Variants in CRTC1 observed in about 807,000 individuals in gnomAD.
CRTC1 encodes the protein CREB-regulated transcription coactivator 1.
A neutral mutation model predicts 66.1 loss-of-function variants in CRTC1; 18 were observed. The ratio of observed to expected loss-of-function variants is 0.27; its 90% CI spans 0.19 to 0.40. The LOEUF is 0.40. Among genes scored for constraint, CRTC1 ranks in the 10% least tolerant of loss-of-function variants. The pLI, the probability that CRTC1 is intolerant of heterozygous loss-of-function variation, is 1.00. For synonymous variants in CRTC1, 416 were observed against 398.8 expected, an observed-to-expected ratio of 1.04 and a Z score of -0.51; for missense variants, 669 against 887.9, an observed-to-expected ratio of 0.75 and a Z score of 3.13.
At chr19:18,694,658 A>G (rs2052940806) in intron 1 of CRTC1, among the ~76,000 whole-genome samples, 4 of 151,628 alleles carry the variant, frequency 2.6e-5, no homozygotes, top group South Asian at 2.1e-4. Flanking sequence ...CTGGTCTCAA[A>G]CTCCTGTGCT....
chr19:18,776,733 G>A (rs754167446), intron 13 of CRTC1, among the ~76,000 whole-genome samples: 7 of 152,174 alleles, frequency 4.6e-5, no homozygotes, highest in Admixed American at 6.5e-5. Context: ...GTTTGAACCC[G>A]GGTCTTTGTG....
rs559282618 is a variant in CRTC1 at position 18,696,836 on chromosome 19, G to A, written c.126+13008G>A. 8.3e-5 allele frequency among the ~76,000 whole-genome samples: 12 copies of A among 144,536 alleles called. No individual in the cohort carries two copies. In the South Asian group the frequency reaches 2.9e-3, roughly 35 times the overall value. 94.8% of individuals were successfully genotyped at this position (144,536 alleles called of 152,430 possible). A position where few individuals can be genotyped will look rare whatever the true frequency, so the allele number is the denominator to read the frequency against. On this transcript the variant is annotated intron_variant, in intron 1 of 13. Transcript: ENST00000321949. ...GTGTGCCACTCACGGAGGAAGACTC[G>A]GGGCATTTAGGAGGTGATGGTGACA...
intron 10 of CRTC1, among the ~76,000 whole-genome samples, chr19:18,770,479 G>C (rs2054836379): frequency 6.6e-6 from 1 of 152,250 alleles, no homozygotes; most frequent in Non-Finnish European, 1.5e-5. Flanking sequence ...AGACTTAGGG[G>C]CTTAGAGAGC....
chr19:18,765,960 CA>C (rs11443048), intron 9 of CRTC1, among the ~76,000 whole-genome samples: 1 of 149,340 alleles, frequency 6.7e-6, no homozygotes, highest in Non-Finnish European at 1.5e-5. Context: ...GACTCTGTTT[CA>C]AAAAAAAAGA....
chr19:18,735,033 A>G (rs2053968340), intron 1 of CRTC1, among the ~76,000 whole-genome samples: 1 of 152,154 alleles, frequency 6.6e-6, no homozygotes, highest in Non-Finnish European at 1.5e-5. Context: ...CTCCCCCACA[A>G]CACGCACAGG....
intron 10 of CRTC1, among the ~76,000 whole-genome samples, chr19:18,770,317 C>T (rs1256595273): frequency 6.6e-6 from 1 of 152,250 alleles, no homozygotes; most frequent in Non-Finnish European, 1.5e-5. Flanking sequence ...GAAGTGACTG[C>T]CCCTTGCAGG....
intron 8 of CRTC1, among the ~76,000 whole-genome samples, chr19:18,761,607 G>C (rs868818480): frequency 1.5e-4 from 23 of 152,232 alleles, no homozygotes; most frequent in Admixed American, 3.3e-4. Flanking sequence ...CTGGAAGAAG[G>C]AGCTTTTGGG....
rs1334779137 is a variant in CRTC1, at chr19:18,761,032, GTCCACCCTGGCCCACCC to G, written c.886+813_886+829del. Among the ~76,000 whole-genome samples, 5 of 152,140 alleles carry G rather than the reference GTCCACCCTGGCCCACCC, an allele frequency of 3.3e-5. No homozygotes were observed. In the East Asian group the frequency reaches 9.7e-4, roughly 29 times the overall value. On this transcript the variant is annotated intron_variant, in intron 8 of 13. Coordinates refer to ENST00000321949, the MANE Select transcript of CRTC1 (RefSeq NM_015321.3). ...GCCTGAGGCCTCCAGGGTCTGGGAT[GTCCACCCTGGCCCACCC>G]TCCACCCTCTGAACTTAGCCCCAGT... is the stretch of plus-strand genomic sequence containing the variant.
chr19:18,771,713 G>A lies in CRTC1; in HGVS notation c.1425+167G>A, dbSNP rs566880092. 6.6e-6 allele frequency among the ~76,000 whole-genome samples: 1 copy of A among 152,306 alleles called. No individual in the cohort carries two copies. The highest frequency in any genetic ancestry group is 2.4e-5 in the African/African-American group (1 of 41,566). On this transcript the variant is annotated intron_variant, in intron 11 of 13. Coordinates refer to ENST00000321949, the MANE Select transcript of CRTC1 (RefSeq NM_015321.3). The surrounding 1 kb of genome is among the most constrained non-coding windows in gnomAD (Gnocchi z 4.6). Reference sequence around the variant, plus strand: ...ACCTGAGCTGTGCACCTACCAGGCTGCACCAGGGCAGGAACCCCACAGGGT... The same window carrying A: ...ACCTGAGCTGTGCACCTACCAGGCTACACCAGGGCAGGAACCCCACAGGGT...
intron 1 of CRTC1, among the ~76,000 whole-genome samples, chr19:18,699,643 C>G (rs117704917): frequency 3.3e-5 from 5 of 152,312 alleles, no homozygotes; most frequent in Non-Finnish European, 7.3e-5. Context: ...TAGGGAGTGA[C>G]AGGAAGCCAC....
Position 18,779,217 on chromosome 19 carries a change from C to T in CRTC1, c.*1835C>T, listed in dbSNP as rs1235920379. ...CTGCTGCTTTCACTGGGGTCCTGGG[C>T]ACCCTGGCTTCTGTCCTCAGAGCTG... On this transcript the variant is annotated 3_prime_UTR_variant, in exon 14 of 14. Coordinates refer to ENST00000321949, the MANE Select transcript of CRTC1 (RefSeq NM_015321.3). 1.7e-5 allele frequency: 4 copies of T among 231,672 alleles called. No homozygotes were observed. Among genetic ancestry groups the T allele is most frequent in the Non-Finnish European group, 3.4e-5 (4 of 117,178 alleles). The allele number at this position is 231,672 out of a possible 1,614,324, so 14.4% of individuals were successfully genotyped here. A position where few individuals can be genotyped will look rare whatever the true frequency, so the allele number is the denominator to read the frequency against.
chr19:18,712,957 CAA>C (rs146452936), intron 1 of CRTC1, among the ~76,000 whole-genome samples: 26 of 124,532 alleles, frequency 2.1e-4, no homozygotes, highest in Non-Finnish European at 1.7e-4. Flanking sequence ...AAGACTGTCT[CAA>C]AAAAAAAAAA....
At chr19:18,743,069 TC>T in intron 2 of CRTC1, 43 bp downstream of exon 2, 3 of 1,440,746 alleles carry the variant, frequency 2.1e-6, no homozygotes, top group Non-Finnish European at 2.0e-6. Context: ...GTGGGGAGCT[TC>T]CCCCAGCCTC....
In CRTC1 at chr19:18,747,074, A is replaced by C; in HGVS notation, c.403A>C (p.Thr135Pro). The change falls in exon 4 of 14, where the codon ACC becomes CCC. Residue 135 changes from threonine to proline, a missense_variant. This residue lies in a region of CRTC1 where 214 missense variants were observed against 323.4 expected (regional missense o/e 0.66). Transcript: ENST00000321949. ...TCACGCCGACAGCTGCCCCTATGGC[A>C]CCATGTACCTCTCACCACCCGCGGA... ...GRQADSCPYG[T>P]MYLSPPADTS... 6.2e-7 allele frequency: 1 copy of C among 1,609,834 alleles called. No individual in the cohort carries two copies. The highest frequency in any genetic ancestry group is 8.5e-7 in the Non-Finnish European group (1 of 1,178,982).
chr19:18,691,774 C>T (rs12973721), intron 1 of CRTC1, among the ~76,000 whole-genome samples: 143 of 151,888 alleles, frequency 9.4e-4, no homozygotes, highest in African/African-American at 3.3e-3. Flanking sequence ...AGTGCAGTGG[C>T]GTGATCTCGG....
At chr19:18,753,163 C>G (rs900681788) in intron 5 of CRTC1, among the ~76,000 whole-genome samples, 4 of 151,814 alleles carry the variant, frequency 2.6e-5, no homozygotes, top group African/African-American at 9.7e-5. Context: ...GTAGTCCCAG[C>G]TACTTGGGAG....
At position 18,760,237 on chromosome 19, in the gene CRTC1, G is replaced by C; in HGVS notation, c.886+9G>C. 1 of 1,578,134 alleles carries C rather than the reference G, an allele frequency of 6.3e-7. No individual in the cohort carries two copies. Among genetic ancestry groups the C allele is most frequent in the Non-Finnish European group, 8.6e-7 (1 of 1,162,952 alleles). On this transcript the variant is annotated intron_variant, in intron 8 of 13. Coordinates refer to ENST00000321949, the MANE Select transcript of CRTC1 (RefSeq NM_015321.3). This position sits in a 1 kb window ranked among gnomAD's most constrained non-coding sequence, Gnocchi z 6.2. ...CGGTGGCGCCGGCCAGGGTAAGGCA[G>C]GGACACTCCGCCCTCGGACAGAGCA...
chr19:18,723,925 T>C (rs10406769), intron 1 of CRTC1, among the ~76,000 whole-genome samples: 7,992 of 152,274 alleles, frequency 0.052, 708 homozygotes, highest in African/African-American at 0.18. Flanking sequence ...GCTTGGAGCC[T>C]CCGGGAGGGA....
intron 12 of CRTC1, 124 bp from the exon 13 acceptor site, chr19:18,775,517 C>T (rs1394167705): frequency 6.8e-6 from 6 of 883,814 alleles, no homozygotes; most frequent in Non-Finnish European, 4.9e-6. Flanking sequence ...GCCTGGGTGC[C>T]GAGCATCCTG....
Sources: allele counts gnomAD v4.1 joint callset (sites outside exome capture counted in the v4.1 genomes callset), GRCh38; gene constraint gnomAD v4.1.1; regional missense constraint gnomAD v4.1.1; non-coding constraint Gnocchi (gnomAD v3.1); transcripts MANE v1.5; gene names NCBI Gene and HGNC (gene_info 2026-07-23, HGNC 2026-07-21).